Variants in VSTM4 observed in about 807,000 individuals in gnomAD.
VSTM4 encodes the protein V-set and transmembrane domain-containing protein 4.
In VSTM4, 20 loss-of-function variants were observed where a neutral mutation model predicts 36.4. The ratio of observed to expected loss-of-function variants is 0.55; its 90% confidence interval spans 0.39 to 0.80. The LOEUF (loss-of-function observed/expected upper bound fraction) is 0.80. VSTM4 is among the 30% of genes least tolerant of loss of function. The probability of loss-of-function intolerance (pLI) is 0.00; values close to 1 mark genes in which losing one functional copy is unlikely to be tolerated. For missense variants in VSTM4, 392 were observed against 404.5 expected, an observed-to-expected ratio of 0.97 and a Z score of 0.26; for synonymous variants, 182 against 173.9, an observed-to-expected ratio of 1.05 and a Z score of -0.37.
chr10:49,059,316 C>T (rs1289660721), intron 5 of VSTM4, among the ~76,000 whole-genome samples: 1 of 152,188 alleles, frequency 6.6e-6, no homozygotes, highest in Admixed American at 6.5e-5. Context: ...CACTCAGACA[C>T]CCAACCAACC....
chr10:49,030,772 G>A (rs567804164), intron 7 of VSTM4, among the ~76,000 whole-genome samples: 64 of 152,270 alleles, frequency 4.2e-4, no homozygotes, highest in Non-Finnish European at 5.7e-4. Flanking sequence ...TGACCCCTTC[G>A]GGAGCCTGCT....
intron 7 of VSTM4, among the ~76,000 whole-genome samples, chr10:49,041,519 C>G (rs1843521148): frequency 6.6e-6 from 1 of 152,162 alleles, no homozygotes; most frequent in African/African-American, 2.4e-5. Flanking sequence ...CTCAGACACA[C>G]AAACAAGTCA....
intron 2 of VSTM4, among the ~76,000 whole-genome samples, chr10:49,099,394 A>G (rs1446087829): frequency 6.6e-6 from 1 of 152,272 alleles, no homozygotes; most frequent in African/African-American, 2.4e-5. Context: ...TATATTTCTT[A>G]CCGCTCTGGA....
Position 49,077,213 on chromosome 10 carries a change from T to G in VSTM4, c.634+6A>C. On this transcript the variant is annotated splice_donor_region_variant and intron_variant, in intron 4 of 7. Transcript: ENST00000332853. ...ATCCCAGACATGACCTTATCTGTTT[T>G]CTTACCTCTGGATTTCCGCTTGTTA... 3.1e-6 allele frequency: 5 copies of G among 1,613,676 alleles called. No individual in the cohort carries two copies. The highest frequency in any genetic ancestry group is 4.2e-6 in the Non-Finnish European group (5 of 1,180,010).
intron 2 of VSTM4, among the ~76,000 whole-genome samples, chr10:49,093,002 C>T (rs1342979558): frequency 1.3e-5 from 2 of 152,146 alleles, no homozygotes; most frequent in East Asian, 3.9e-4. Context: ...CTCCCTTCTA[C>T]CTCCCCCATT....
At position 49,019,864 on chromosome 10, in the gene VSTM4, T is replaced by C. The variant is rs531989602; in HGVS notation, c.838-89A>G. On this transcript the variant is annotated intron_variant, in intron 7 of 7. Coordinates refer to ENST00000332853, the MANE Select transcript of VSTM4 (RefSeq NM_001031746.5). ...TTCATTCATCAAGTATGCATGTTCA[T>C]AGCATTTTGGGATTCAGCGAGGGAT... The C allele has an allele frequency of 3.4e-6, 5 of 1,488,208 alleles. 1 individual carries two copies. The highest frequency in any genetic ancestry group is 4.7e-5 in the East Asian group (2 of 42,416). The allele number at this position is 1,488,208 out of a possible 1,614,324, so 92.2% of individuals were successfully genotyped here. A position where few individuals can be genotyped will look rare whatever the true frequency, so the allele number is the denominator to read the frequency against.
intron 5 of VSTM4, among the ~76,000 whole-genome samples, chr10:49,052,062 C>T (rs1843706926): frequency 6.6e-6 from 1 of 152,172 alleles, no homozygotes; most frequent in Non-Finnish European, 1.5e-5. Context: ...AGAAATGACA[C>T]TGCTAAAAAT....
intron 5 of VSTM4, among the ~76,000 whole-genome samples, chr10:49,050,961 C>G (rs1315747779): frequency 6.6e-6 from 1 of 152,018 alleles, no homozygotes; most frequent in Non-Finnish European, 1.5e-5. Flanking sequence ...CCTTATAGCC[C>G]CCACCTCCAC....
At chr10:49,035,725 C>A (rs947100682) in intron 7 of VSTM4, among the ~76,000 whole-genome samples, 11 of 149,350 alleles carry the variant, frequency 7.4e-5, no homozygotes, top group African/African-American at 1.2e-4. Flanking sequence ...GTGGTACCAG[C>A]TACTTGGGAG....
rs972774389 is a variant in VSTM4, at chr10:49,061,873, A to C, written c.668+2830T>G. ...GATGTATTTAGATCATTTACATTTA[A>C]AATAAATAGTATTTCAGCAATTAAG... On this transcript the variant is annotated intron_variant, in intron 5 of 7. Transcript: ENST00000332853. 2.6e-5 allele frequency among the ~76,000 whole-genome samples: 4 copies of C among 152,188 alleles called. No homozygotes were observed. In the East Asian group the frequency reaches 5.8e-4, roughly 22 times the overall value.
intron 2 of VSTM4, among the ~76,000 whole-genome samples, chr10:49,105,318 A>G (rs982972849): frequency 4.8e-4 from 37 of 76,470 alleles, no homozygotes; most frequent in Admixed American, 1.3e-3. Context: ...AGACAGAGAA[A>G]GAGAGAGAGA....
At chr10:49,091,720 C>T (rs1170111334) in intron 2 of VSTM4, among the ~76,000 whole-genome samples, 1 of 152,218 alleles carries the variant, frequency 6.6e-6, no homozygotes, top group Non-Finnish European at 1.5e-5. Flanking sequence ...CGCTGACATG[C>T]TTTGTCTAGA....
intron 3 of VSTM4, among the ~76,000 whole-genome samples, chr10:49,078,937 T>C (rs1844229205): frequency 6.6e-6 from 1 of 151,984 alleles, no homozygotes; most frequent in Admixed American, 6.5e-5. Context: ...GTTCAAGCAT[T>C]TCTCCAACCT....
At chr10:49,035,146 C>A (rs1031174705) in intron 7 of VSTM4, among the ~76,000 whole-genome samples, 1 of 152,154 alleles carries the variant, frequency 6.6e-6, no homozygotes, top group Non-Finnish European at 1.5e-5. Flanking sequence ...CATGGGCTGG[C>A]CTGCTGGATG....
At chr10:49,103,585 G>C in intron 2 of VSTM4, 3 of 1,422,562 alleles carry the variant, frequency 2.1e-6, no homozygotes, top group Non-Finnish European at 2.7e-6. Context: ...CACTCCTATG[G>C]CTCTTCTCAG....
intron 7 of VSTM4, among the ~76,000 whole-genome samples, chr10:49,041,202 T>A (rs1307808202): frequency 1.3e-5 from 2 of 152,194 alleles, no homozygotes; most frequent in Non-Finnish European, 2.9e-5. Flanking sequence ...CTAGGCCTGA[T>A]ATTTTTGTCT....
At chr10:49,101,151 C>T (rs1186945345) in intron 2 of VSTM4, among the ~76,000 whole-genome samples, 1 of 151,904 alleles carries the variant, frequency 6.6e-6, no homozygotes, top group Non-Finnish European at 1.5e-5. Context: ...ACCAAGGTAC[C>T]ATGTACAATG....
intron 2 of VSTM4, among the ~76,000 whole-genome samples, chr10:49,106,489 A>C (rs1194668878): frequency 6.6e-6 from 1 of 152,236 alleles, no homozygotes; most frequent in Non-Finnish European, 1.5e-5. Flanking sequence ...GGTAGCTGAG[A>C]TGTTGCAGAA....
At chr10:49,112,516 A>C (rs1458437028) in intron 1 of VSTM4, among the ~76,000 whole-genome samples, 3 of 152,258 alleles carry the variant, frequency 2.0e-5, no homozygotes, top group Non-Finnish European at 4.4e-5. Flanking sequence ...CACAGTAAGC[A>C]TAGGCTCCAA....
Sources: gnomAD v4.1 joint callset for allele counts (sites outside exome capture counted in the v4.1 genomes callset) on GRCh38, gnomAD v4.1.1 for gene constraint, MANE v1.5 for transcripts, NCBI Gene and HGNC (gene_info 2026-07-23, HGNC 2026-07-21) for gene names.